The following RBFOX1 variants were observed in gnomAD, a reference collection of about 807,000 sequenced individuals.
The protein encoded by RBFOX1 is RNA binding protein fox-1 homolog 1.
Under a neutral mutation model 57.7 loss-of-function variants are expected in RBFOX1, and 8 were observed. The observed-to-expected ratio is 0.14, with a 90% CI of 0.08 to 0.25. RBFOX1 has a LOEUF of 0.25. Among genes scored for constraint, RBFOX1 ranks in the 10% least tolerant of loss-of-function variants. RBFOX1 has a pLI of 1.00. For synonymous variants in RBFOX1, 326 were observed against 222.4 expected (o/e 1.47, Z -4.15); for missense variants, 611 against 548.5 (o/e 1.11, Z -1.14).
At chr16:5,732,144 C>T (rs192163877) in intron 3 of RBFOX1, among the ~76,000 whole-genome samples, 25 of 152,220 alleles carry the variant, frequency 1.6e-4, no homozygotes, top group Middle Eastern at 3.4e-3. Context: ...CAGATAATTG[C>T]GGCATTTCAG....
intron 3 of RBFOX1, among the ~76,000 whole-genome samples, chr16:6,937,421 A>G (rs532108679): frequency 2.7e-4 from 41 of 152,162 alleles, no homozygotes; most frequent in African/African-American, 7.9e-4. Context: ...ATAGTTTTCT[A>G]TGTGTTGGCC....
chr16:7,604,480 TGAA>T (rs2095201812), intron 9 of RBFOX1, among the ~76,000 whole-genome samples: 1 of 152,322 alleles, frequency 6.6e-6, no homozygotes, highest in African/African-American at 2.4e-5. Flanking sequence ...GATCTCCTGA[TGAA>T]GGAGAGTATC....
chr16:5,646,979 C>T (rs548974907), intron 3 of RBFOX1, among the ~76,000 whole-genome samples: 15 of 152,086 alleles, frequency 9.9e-5, no homozygotes, highest in African/African-American at 1.4e-4. Flanking sequence ...GAAAGGGGAG[C>T]GCAGCCGGCG....
chr16:5,991,645 G>GTTTCTTTTTTTTTTT (rs1567229409), intron 4 of RBFOX1, among the ~76,000 whole-genome samples: 1 of 123,934 alleles, frequency 8.1e-6, no homozygotes. Context: ...TTATTAGATA[G>GTTTCTTTTTTTTTTT]TTTTTTTTTT....
intron 3 of RBFOX1, among the ~76,000 whole-genome samples, chr16:6,734,751 C>T (rs12445404): frequency 0.77 from 116,823 of 151,822 alleles, 46,232 homozygotes; most frequent in East Asian, 1. Flanking sequence ...CTCCTTTTAC[C>T]CCTATCCAAT....
intron 2 of RBFOX1, among the ~76,000 whole-genome samples, chr16:5,556,210 C>A (rs1420015330): frequency 6.6e-6 from 1 of 152,140 alleles, no homozygotes; most frequent in African/African-American, 2.4e-5. Flanking sequence ...TGCAGAGGAG[C>A]CTTGGTCATA....
At chr16:6,977,003 T>C (rs1411681785) in intron 3 of RBFOX1, among the ~76,000 whole-genome samples, 2 of 143,756 alleles carry the variant, frequency 1.4e-5, no homozygotes, top group African/African-American at 5.1e-5. Flanking sequence ...ATGCCATATA[T>C]TGTATATCAT....
At chr16:5,659,914 C>G (rs1157985136) in intron 3 of RBFOX1, among the ~76,000 whole-genome samples, 1 of 152,168 alleles carries the variant, frequency 6.6e-6, no homozygotes, top group African/African-American at 2.4e-5. Flanking sequence ...ATTAGGTGTG[C>G]TGCTGGATCT....
chr16:6,271,178 C>T (rs145400238), intron 1 of RBFOX1, among the ~76,000 whole-genome samples: 2 of 152,166 alleles, frequency 1.3e-5, no homozygotes, highest in Admixed American at 1.3e-4. Flanking sequence ...AATCCCAGCA[C>T]TTTGGGAGGC....
At chr16:5,570,580 C>T (rs112643442) in intron 2 of RBFOX1, among the ~76,000 whole-genome samples, 1,863 of 152,220 alleles carry the variant, frequency 0.012, 35 homozygotes, top group African/African-American at 0.041. Flanking sequence ...TGGTTCACGC[C>T]TGTAATCCCA....
At chr16:6,541,374 T>C (rs1378068972) in intron 2 of RBFOX1, among the ~76,000 whole-genome samples, 1 of 152,208 alleles carries the variant, frequency 6.6e-6, no homozygotes, top group East Asian at 1.9e-4. Context: ...CCAGACACTG[T>C]TCTAAACAGA....
chr16:6,192,501 C>G (rs1040175361), intron 1 of RBFOX1, among the ~76,000 whole-genome samples: 3 of 152,104 alleles, frequency 2.0e-5, no homozygotes, highest in Admixed American at 2.0e-4. Flanking sequence ...CACCCCCATA[C>G]ACATGCACAG....
At chr16:6,362,067 A>G (rs1259941683) in intron 2 of RBFOX1, among the ~76,000 whole-genome samples, 1 of 152,190 alleles carries the variant, frequency 6.6e-6, no homozygotes, top group Non-Finnish European at 1.5e-5. Flanking sequence ...GACTCAATAG[A>G]AATCAGGTTC....
At chr16:5,386,891 A>G (rs1355162677) in intron 1 of RBFOX1, among the ~76,000 whole-genome samples, 1 of 152,074 alleles carries the variant, frequency 6.6e-6, no homozygotes, top group Non-Finnish European at 1.5e-5. Flanking sequence ...TCTCTACTAA[A>G]AATACAAAAA....
At chr16:5,454,959 C>CTT (rs1188606272) in intron 1 of RBFOX1, among the ~76,000 whole-genome samples, 16 of 34,292 alleles carry the variant, frequency 4.7e-4, no homozygotes, top group Non-Finnish European at 8.7e-4. Flanking sequence ...TCCTTCCTTC[C>CTT]TTTCTTTCTT....
At chr16:6,139,586 A>G (rs914559444) in intron 1 of RBFOX1, among the ~76,000 whole-genome samples, 7 of 152,246 alleles carry the variant, frequency 4.6e-5, no homozygotes, top group African/African-American at 1.7e-4. Flanking sequence ...AACACAATGA[A>G]GAAATGGAAA....
At chr16:6,999,568 G>A (rs114922315) in intron 3 of RBFOX1, among the ~76,000 whole-genome samples, 4,953 of 151,984 alleles carry the variant, frequency 0.033, 272 homozygotes, top group African/African-American at 0.11. Flanking sequence ...ATAGTATACT[G>A]ATCCCTCATA....
At chr16:7,149,106 A>G (rs915680390) in intron 4 of RBFOX1, among the ~76,000 whole-genome samples, 7 of 152,166 alleles carry the variant, frequency 4.6e-5, no homozygotes, top group African/African-American at 1.7e-4. Flanking sequence ...CAGTCTTTGA[A>G]AACCCAGGTT....
At chr16:5,542,685 T>G (rs1462478494) in intron 2 of RBFOX1, among the ~76,000 whole-genome samples, 2 of 152,218 alleles carry the variant, frequency 1.3e-5, no homozygotes, top group African/African-American at 4.8e-5. Flanking sequence ...CATGGAGTTT[T>G]AGCAAGGAGA....
Sources: gnomAD v4.1 joint callset for allele counts (sites outside exome capture counted in the v4.1 genomes callset) on GRCh38, gnomAD v4.1.1 for gene constraint, MANE v1.5 for transcripts, NCBI Gene and HGNC (gene_info 2026-07-23, HGNC 2026-07-21) for gene names.